Variants in PRAG1 observed in about 807,000 individuals in gnomAD.
The protein encoded by PRAG1 is inactive tyrosine-protein kinase PRAG1.
In PRAG1, 110 loss-of-function variants were observed where a neutral mutation model predicts 95.6. The observed-to-expected ratio is 1.15, with a 90% CI of 0.99 to 1.35. PRAG1 has a LOEUF of 1.35. Ranked by LOEUF, PRAG1 falls within the 40% of genes most tolerant of loss-of-function variation. PRAG1 has a pLI of 0.00. For synonymous variants in PRAG1, 1,052 were observed against 819.4 expected, an observed-to-expected ratio of 1.28 and a Z score of -4.85; for missense variants, 2,554 against 1,864.7, an observed-to-expected ratio of 1.37 and a Z score of -6.81.
intron 3 of PRAG1, among the ~76,000 whole-genome samples, chr8:8,362,925 T>C (rs71513189): frequency 0.094 from 14,241 of 152,118 alleles, 891 homozygotes; most frequent in Non-Finnish European, 0.13. Context: ...ATGTAAAGGC[T>C]TATAGAAGCA....
chr8:8,376,566 G>C lies in PRAG1; in HGVS notation c.1843C>G (p.Pro615Ala), dbSNP rs760381462. ...AISDPSRCPQ[P>A]AASSASEQRR... Reference sequence around the variant, plus strand: ...TGTTCCGAGGCTGACGAGGCGGCAGGCTGGGGACACCTGGATGGGTCACTG... The same window carrying C: ...TGTTCCGAGGCTGACGAGGCGGCAGCCTGGGGACACCTGGATGGGTCACTG... The change falls in exon 3 of 6, where the codon CCT (proline) becomes GCT (alanine). Residue 615 changes from proline (P) to alanine (A), a missense_variant. Pro to Ala is a conservative substitution (Grantham distance 27). Transcript: ENST00000615670. 2 of 1,607,630 alleles carry C rather than the reference G, an allele frequency of 1.2e-6. No individual in the cohort carries two copies. The highest frequency in any genetic ancestry group is 8.5e-7 in the Non-Finnish European group (1 of 1,175,748).
chr8:8,378,094 A>G lies in PRAG1; in HGVS notation c.331-16T>C, dbSNP rs370525760. 1,046 of 1,514,096 alleles carry G rather than the reference A, an allele frequency of 6.9e-4. 12 individuals are homozygous for G. In the South Asian group the frequency reaches 8.7e-3, roughly 13 times the overall value. 93.8% of individuals were successfully genotyped at this position (1,514,096 alleles called of 1,614,324 possible). On this transcript the variant is annotated splice_polypyrimidine_tract_variant and intron_variant, in intron 2 of 5. Coordinates refer to ENST00000615670, the MANE Select transcript of PRAG1 (RefSeq NM_001080826.3). ...TCCAGATGACCTACACACAAGCCCAACGCAAAAAGACTTATATTAGAACTT... is the reference window on the plus strand; with the variant it reads ...TCCAGATGACCTACACACAAGCCCAGCGCAAAAAGACTTATATTAGAACTT...
At chr8:8,375,011 C>T (rs1358963232) in intron 3 of PRAG1, among the ~76,000 whole-genome samples, 2 of 151,712 alleles carry the variant, frequency 1.3e-5, no homozygotes, top group Admixed American at 6.6e-5. Flanking sequence ...TAACAGAAAT[C>T]AGTTTCGCTC....
intron 3 of PRAG1, 27 bp downstream of exon 3, chr8:8,376,218 CAG>C (rs1227962737): frequency 1.3e-6 from 2 of 1,597,126 alleles, no homozygotes; most frequent in Non-Finnish European, 8.5e-7. Context: ...GCCCTGCAGA[CAG>C]AGTCCCAGGC....
At chr8:8,366,371 T>C (rs534629492) in intron 3 of PRAG1, among the ~76,000 whole-genome samples, 1 of 148,626 alleles carries the variant, frequency 6.7e-6, no homozygotes, top group South Asian at 2.1e-4. Flanking sequence ...TAGAGTGCAA[T>C]GGCATGATCT....
At chr8:8,379,234 A>G (rs1800552569) in intron 2 of PRAG1, among the ~76,000 whole-genome samples, 1 of 152,176 alleles carries the variant, frequency 6.6e-6, no homozygotes, top group Non-Finnish European at 1.5e-5. Context: ...TCTCCCGCCT[A>G]CAGCAGTGAC....
At chr8:8,322,127 G>T (rs1798489908) in intron 5 of PRAG1, among the ~76,000 whole-genome samples, 1 of 152,218 alleles carries the variant, frequency 6.6e-6, no homozygotes, top group Middle Eastern at 3.2e-3. Flanking sequence ...ACACTAGACA[G>T]CACTTCAGCC....
At chr8:8,327,583 AG>A (rs1798671035) in intron 5 of PRAG1, 126 bp downstream of exon 5, 1 of 1,102,230 alleles carries the variant, frequency 9.1e-7, no homozygotes, top group African/African-American at 1.6e-5. Flanking sequence ...AAGAAAAAAA[AG>A]AATGCTTAGG....
At chr8:8,355,536 C>T (rs1418024913) in intron 3 of PRAG1, among the ~76,000 whole-genome samples, 1 of 152,016 alleles carries the variant, frequency 6.6e-6, no homozygotes, top group Non-Finnish European at 1.5e-5. Context: ...TATTACAAAG[C>T]TATAGTAATC....
At position 8,377,969 on chromosome 8, in the gene PRAG1, G is replaced by C; in HGVS notation, c.440C>G (p.Thr147Ser). Reference sequence around the variant, plus strand: ...ACAGCGAGAATTGCCATCAGGGGAGGTAGAGGGACCAGCAGGCTTCTGTAC... The same window carrying C: ...ACAGCGAGAATTGCCATCAGGGGAGCTAGAGGGACCAGCAGGCTTCTGTAC... ...RGVQKPAGPS[T>S]SPDGNSRCPP... Residue 147 changes from threonine to serine, a missense_variant, in exon 3 of 6, where the codon ACC becomes AGC. By Grantham distance (58) the Thr-to-Ser change is moderately conservative. Coordinates refer to ENST00000615670, the MANE Select transcript of PRAG1 (RefSeq NM_001080826.3). 1 of 1,613,676 alleles carries C rather than the reference G, an allele frequency of 6.2e-7. No individual in the cohort carries two copies.
In PRAG1 at chr8:8,377,491, G is replaced by A. The variant is rs1466143736; in HGVS notation, c.918C>T (p.Ser306=). The part of the protein sequence containing the change: ...GPAEQEKRGP[S]FPKECCSQGP... ...CCTGGCTACAGCACTCCTTGGGGAA[G>A]CTCGGGCCCCGCTTCTCCTGCTCTG... is the stretch of plus-strand genomic sequence containing the variant. Residue 306 remains serine, a synonymous_variant, in exon 3 of 6, where the codon AGC becomes AGT. Coordinates refer to ENST00000615670, the MANE Select transcript of PRAG1 (RefSeq NM_001080826.3). 5 of 1,551,638 alleles carry A rather than the reference G, an allele frequency of 3.2e-6. No homozygotes were observed. The highest frequency in any genetic ancestry group is 8.7e-7 in the Non-Finnish European group (1 of 1,149,490).
intron 3 of PRAG1, among the ~76,000 whole-genome samples, chr8:8,350,031 A>C (rs1020426150): frequency 6.6e-6 from 1 of 152,158 alleles, no homozygotes; most frequent in Non-Finnish European, 1.5e-5. Flanking sequence ...GTCAAGGATA[A>C]AAATTCTTAA....
At chr8:8,336,787 T>G (rs917263966) in intron 4 of PRAG1, among the ~76,000 whole-genome samples, 4 of 151,950 alleles carry the variant, frequency 2.6e-5, no homozygotes, top group African/African-American at 9.7e-5. Context: ...AAAGTGGCAT[T>G]TTGCCACTGA....
intron 3 of PRAG1, among the ~76,000 whole-genome samples, chr8:8,369,675 T>G (rs1479838137): frequency 1.3e-5 from 2 of 150,726 alleles, no homozygotes; most frequent in Non-Finnish European, 2.9e-5. Flanking sequence ...AAAGTGCATC[T>G]GGTCTATTTT....
intron 4 of PRAG1, 21 bp downstream of exon 4, chr8:8,339,457 C>T (rs368736299): frequency 1.3e-5 from 21 of 1,612,042 alleles, no homozygotes; most frequent in East Asian, 1.1e-4. Flanking sequence ...TAAGCCTCTC[C>T]GTCAATGTCA....
rs1414929336 is a variant in PRAG1 at position 8,375,036 on chromosome 8, T to G, written c.2162+1211A>C. ...CAGTTTCGCTCTAATCGAGAGAAAT[T>G]TTTTTTCCCCAGCATTTAAAACCCA... On this transcript the variant is annotated intron_variant, in intron 3 of 5. Transcript: ENST00000615670. Among the ~76,000 whole-genome samples, 4 of 151,788 alleles carry G rather than the reference T, an allele frequency of 2.6e-5. No individual in the cohort carries two copies. In the East Asian group the frequency reaches 7.8e-4, roughly 29 times the overall value.
intron 4 of PRAG1, among the ~76,000 whole-genome samples, 156 bp downstream of exon 4, chr8:8,339,322 T>C (rs1003438337): frequency 2.0e-5 from 3 of 152,194 alleles, no homozygotes; most frequent in Non-Finnish European, 4.4e-5. Context: ...CAGTAGATAA[T>C]TGACTTCAAC....
chr8:8,370,790 A>C (rs541617315), intron 3 of PRAG1, among the ~76,000 whole-genome samples: 1 of 152,276 alleles, frequency 6.6e-6, no homozygotes, highest in East Asian at 1.9e-4. Context: ...TGTGGACAGA[A>C]ACGAACTCCA....
At chr8:8,339,331 A>G (rs1489628261) in intron 4 of PRAG1, 147 bp downstream of exon 4, 6 of 831,068 alleles carry the variant, frequency 7.2e-6, no homozygotes, top group Non-Finnish European at 1.1e-5. Flanking sequence ...ATTGACTTCA[A>G]CAGCTCCCTG....
Sources: gnomAD v4.1 joint callset for allele counts (sites outside exome capture counted in the v4.1 genomes callset) on GRCh38, gnomAD v4.1.1 for gene constraint, MANE v1.5 for transcripts, NCBI Gene and HGNC (gene_info 2026-07-23, HGNC 2026-07-21) for gene names.